MCTP1: variants seen among roughly 807,000 people sequenced by gnomAD.
MCTP1 encodes multiple C2 and transmembrane domain containing 1, also known as multiple C2 and transmembrane domain-containing protein 1.
MCTP1 carries 69 observed loss-of-function variants against 120.6 expected under a neutral mutation model. That is an observed-to-expected ratio of 0.57 (90% confidence interval 0.47 to 0.70). The LOEUF is 0.70. Ranked by LOEUF, MCTP1 falls within the 30% of genes least tolerant of loss-of-function variation. MCTP1 has a pLI of 0.00. For missense variants in MCTP1, 1,203 were observed against 1,248.8 expected (o/e 0.96, Z 0.55); for synonymous variants, 529 against 493.1 (o/e 1.07, Z -0.96).
Position 95,284,147 on chromosome 5 carries a change from C to T in MCTP1, c.429G>A (p.Ala143=), listed in dbSNP as rs769154359. The change falls in exon 1 of 23, where the codon GCG becomes GCA. Residue 143 remains alanine, a synonymous_variant. Transcript: ENST00000515393. The surrounding 1 kb of genome is among the most constrained non-coding windows in gnomAD (Gnocchi z 5.2). The part of the protein sequence containing the change: ...VKGPAAASGA[A]GGTPPGGRSP... ...AGCGTCCGCCAGGAGGCGTCCCTCC[C>T]GCTGCTCCCGAGGCCGCCGCGGGCC... 3.2e-6 allele frequency: 5 copies of T among 1,557,748 alleles called. No homozygotes were observed. The East Asian group carries it at 7.2e-5, about 22-fold the overall frequency.
intron 1 of MCTP1, among the ~76,000 whole-genome samples, chr5:95,243,972 G>A (rs1756459293): frequency 6.6e-6 from 1 of 152,202 alleles, no homozygotes; most frequent in African/African-American, 2.4e-5. Context: ...TTCACATATT[G>A]ACACTAACTG....
intron 1 of MCTP1, among the ~76,000 whole-genome samples, chr5:95,157,113 T>C (rs1745211919): frequency 6.6e-6 from 1 of 152,202 alleles, no homozygotes; most frequent in Non-Finnish European, 1.5e-5. Context: ...GTGAAAATTA[T>C]AAATAGGTAA....
intron 2 of MCTP1, among the ~76,000 whole-genome samples, chr5:94,983,138 G>A (rs1215685523): frequency 6.6e-6 from 1 of 151,994 alleles, no homozygotes; most frequent in African/African-American, 2.4e-5. Flanking sequence ...TAATAGCCAC[G>A]AGAAATTGAA....
chr5:95,134,315 A>G (rs1759274410), intron 1 of MCTP1, among the ~76,000 whole-genome samples: 1 of 152,248 alleles, frequency 6.6e-6, no homozygotes, highest in Admixed American at 6.5e-5. Context: ...AAATTCTGAT[A>G]TATGTACAAA....
chr5:94,928,697 A>G (rs190611879), intron 6 of MCTP1, among the ~76,000 whole-genome samples: 1 of 152,304 alleles, frequency 6.6e-6, no homozygotes, highest in Admixed American at 6.5e-5. Context: ...AGGCAATATT[A>G]TGGAATTTAT....
chr5:95,160,862 C>T (rs1745650794), intron 1 of MCTP1, among the ~76,000 whole-genome samples: 1 of 152,060 alleles, frequency 6.6e-6, no homozygotes, highest in African/African-American at 2.4e-5. Context: ...ATGCCTATCA[C>T]TAATAATCAG....
At chr5:95,076,584 A>C (rs1320050144) in intron 1 of MCTP1, among the ~76,000 whole-genome samples, 1 of 152,174 alleles carries the variant, frequency 6.6e-6, no homozygotes, top group Non-Finnish European at 1.5e-5. Context: ...TAAGGTTTCC[A>C]GTGGGCCAGG....
At chr5:95,133,954 G>A in intron 1 of MCTP1, among the ~76,000 whole-genome samples, 1 of 152,296 alleles carries the variant, frequency 6.6e-6, no homozygotes, top group East Asian at 1.9e-4. Context: ...AATTTTCACT[G>A]TTTCTTGGCT....
chr5:94,847,646 CTGTG>C (rs70978134), intron 17 of MCTP1, among the ~76,000 whole-genome samples: 34,498 of 115,146 alleles, frequency 0.3, 6,379 homozygotes, highest in Non-Finnish European at 0.42. Flanking sequence ...AAGCAGCAAT[CTGTG>C]TGTGTGTGTG....
intron 18 of MCTP1, among the ~76,000 whole-genome samples, chr5:94,781,956 T>A (rs1477085802): frequency 6.6e-6 from 1 of 152,170 alleles, no homozygotes; most frequent in African/African-American, 2.4e-5. Context: ...TAAAGTTACA[T>A]CATAAACATC....
At chr5:95,169,364 T>C (rs1015394344) in intron 1 of MCTP1, among the ~76,000 whole-genome samples, 10 of 152,166 alleles carry the variant, frequency 6.6e-5, no homozygotes, top group African/African-American at 2.4e-4. Context: ...TCTCTTTTTT[T>C]GTGGTGTTTA....
intron 2 of MCTP1, among the ~76,000 whole-genome samples, chr5:94,955,745 G>A (rs762730523): frequency 8.7e-4 from 132 of 152,198 alleles, no homozygotes; most frequent in Non-Finnish European, 1.6e-3. Flanking sequence ...AGCATCTCTG[G>A]AAGAAAGGCA....
chr5:95,276,974 C>G (rs1158054829), intron 1 of MCTP1, among the ~76,000 whole-genome samples: 1 of 151,224 alleles, frequency 6.6e-6, no homozygotes, highest in East Asian at 2.0e-4. Flanking sequence ...AACAAACAAA[C>G]AAACAAAAAA....
chr5:95,000,770 T>A (rs1437732210), intron 2 of MCTP1, among the ~76,000 whole-genome samples: 1 of 152,158 alleles, frequency 6.6e-6, no homozygotes, highest in East Asian at 1.9e-4. Context: ...GAAAAAAATG[T>A]TTAAAATAAA....
chr5:94,870,704 T>G (rs1797687036), intron 15 of MCTP1, among the ~76,000 whole-genome samples, 168 bp downstream of exon 15: 1 of 152,036 alleles, frequency 6.6e-6, no homozygotes, highest in African/African-American at 2.4e-5. Context: ...ATTCGCCAAC[T>G]ATAACAGAAA....
At chr5:95,117,957 G>A (rs1582287029) in intron 1 of MCTP1, among the ~76,000 whole-genome samples, 1 of 152,158 alleles carries the variant, frequency 6.6e-6, no homozygotes, top group African/African-American at 2.4e-5. Flanking sequence ...AATGGGAGCT[G>A]AACAATGAGG....
At chr5:94,791,304 A>G (rs1217489365) in intron 18 of MCTP1, among the ~76,000 whole-genome samples, 1 of 151,854 alleles carries the variant, frequency 6.6e-6, no homozygotes, top group Non-Finnish European at 1.5e-5. Flanking sequence ...TTTCAAAAAA[A>G]AAAAATTGAA....
At chr5:95,138,035 G>A (rs1030492501) in intron 1 of MCTP1, among the ~76,000 whole-genome samples, 1 of 152,106 alleles carries the variant, frequency 6.6e-6, no homozygotes, top group Non-Finnish European at 1.5e-5. Flanking sequence ...TCACGCAAAT[G>A]TGTTTTCAGA....
intron 1 of MCTP1, among the ~76,000 whole-genome samples, chr5:95,035,482 C>T (rs1359209563): frequency 1.3e-5 from 2 of 151,982 alleles, no homozygotes; most frequent in Non-Finnish European, 2.9e-5. Context: ...AAACCACATA[C>T]CACATGTTCT....
Sources: allele counts gnomAD v4.1 joint callset (sites outside exome capture counted in the v4.1 genomes callset), GRCh38; gene constraint gnomAD v4.1.1; non-coding constraint Gnocchi (gnomAD v3.1); transcripts MANE v1.5; gene names NCBI Gene and HGNC (gene_info 2026-07-23, HGNC 2026-07-21).